Variants in PTPN2 observed in about 807,000 individuals in gnomAD.
PTPN2 encodes the protein protein tyrosine phosphatase non-receptor type 2.
In PTPN2, 19 loss-of-function variants were observed where a neutral mutation model predicts 57.3. The ratio of observed to expected loss-of-function variants is 0.33; its 90% CI spans 0.23 to 0.49. The LOEUF is 0.49. PTPN2 is among the 20% of genes least tolerant of loss of function. The pLI is 0.99. For synonymous variants in PTPN2, 153 were observed against 164.9 expected (o/e 0.93, Z 0.55); for missense variants, 358 against 501.1 (o/e 0.71, Z 2.73).
intron 3 of PTPN2, among the ~76,000 whole-genome samples, chr18:12,836,247 G>A (rs1020437939): frequency 6.6e-5 from 10 of 152,216 alleles, no homozygotes; most frequent in African/African-American, 2.2e-4. Context: ...TTGCACACAG[G>A]TGTGGCTGAT....
chr18:12,837,646 T>C (rs1032009300), intron 2 of PTPN2, among the ~76,000 whole-genome samples: 1 of 152,178 alleles, frequency 6.6e-6, no homozygotes, highest in African/African-American at 2.4e-5. Flanking sequence ...AACACACAAC[T>C]GCCGGATGCA....
chr18:12,880,290 A>G (rs1186309377), intron 1 of PTPN2, among the ~76,000 whole-genome samples: 3 of 152,220 alleles, frequency 2.0e-5, no homozygotes, highest in Non-Finnish European at 4.4e-5. Context: ...GGAAAGTGAT[A>G]GGGGAAATCA....
intron 8 of PTPN2, among the ~76,000 whole-genome samples, chr18:12,797,647 T>C (rs2041243244): frequency 6.6e-6 from 1 of 152,228 alleles, no homozygotes; most frequent in East Asian, 1.9e-4. Flanking sequence ...AAATCTTTTC[T>C]TCCTTAGTGG....
intron 4 of PTPN2, 151 bp from the exon 5 acceptor site, chr18:12,826,095 G>T: frequency 3.3e-6 from 2 of 612,694 alleles, no homozygotes; most frequent in Non-Finnish European, 5.4e-6. Flanking sequence ...TACGCTTAAT[G>T]TATTTTAGTA....
chr18:12,859,283 T>A (rs1481533912), intron 1 of PTPN2, 29 bp from the exon 2 acceptor site: 1 of 1,466,586 alleles, frequency 6.8e-7, no homozygotes, highest in South Asian at 1.2e-5. Context: ...TATTTTAATA[T>A]CCCTCTTAAA....
chr18:12,866,652 C>T (rs1354292999), intron 1 of PTPN2, among the ~76,000 whole-genome samples: 3 of 151,926 alleles, frequency 2.0e-5, no homozygotes, highest in African/African-American at 7.3e-5. Context: ...AGATTTAGTT[C>T]CACAGCTGTG....
Position 12,831,047 on chromosome 18 carries a change from A to AAGAGAGAGG in PTPN2, c.262-15_262-7dup. The AAGAGAGAGG allele has an allele frequency of 6.3e-7, 1 of 1,583,842 alleles. No homozygotes were observed. Among genetic ancestry groups the AAGAGAGAGG allele is most frequent in the Non-Finnish European group, 8.7e-7 (1 of 1,153,146 alleles). On this transcript the variant is annotated splice_polypyrimidine_tract_variant and splice_region_variant and intron_variant, in intron 3 of 8. Coordinates refer to ENST00000309660, the MANE Select transcript of PTPN2 (RefSeq NM_002828.4). ...CATGTGTTAGGAAGTGGACCCTGTGAAGAGAGAGGAGAGAGAGCAGATGAG... is the reference window on the plus strand; with the variant it reads ...CATGTGTTAGGAAGTGGACCCTGTGAAGAGAGAGGAGAGAGAGGAGAGAGAGCAGATGAG...
chr18:12,832,413 A>C (rs2042702738), intron 3 of PTPN2, among the ~76,000 whole-genome samples: 1 of 152,124 alleles, frequency 6.6e-6, no homozygotes, highest in Admixed American at 6.6e-5. Flanking sequence ...CATGGTGCCC[A>C]GCTGACTAAA....
chr18:12,795,033 AC>A (rs2041119545), intron 8 of PTPN2, among the ~76,000 whole-genome samples: 1 of 152,158 alleles, frequency 6.6e-6, no homozygotes, highest in Non-Finnish European at 1.5e-5. Context: ...TAAGCAAGGT[AC>A]TTTCTTGACA....
intron 7 of PTPN2, among the ~76,000 whole-genome samples, chr18:12,808,314 T>C (rs552181374): frequency 1.9e-4 from 26 of 136,028 alleles, no homozygotes; most frequent in Non-Finnish European, 3.5e-4. Context: ...TAATAATATA[T>C]AATTAAATAG....
downstream of PTPN2, among the ~76,000 whole-genome samples, chr18:12,791,935 T>C (rs112542032): frequency 2.1e-3 from 322 of 152,344 alleles, 1 homozygote; most frequent in African/African-American, 7.3e-3. Context: ...GGTCTACCTG[T>C]ATGTGACTTG....
intron 3 of PTPN2, among the ~76,000 whole-genome samples, chr18:12,835,752 G>A (rs532795845): frequency 4.9e-4 from 75 of 152,246 alleles, no homozygotes; most frequent in Non-Finnish European, 8.8e-4. Flanking sequence ...TGAACACTGA[G>A]TATTATACAC....
intron 5 of PTPN2, among the ~76,000 whole-genome samples, chr18:12,818,222 T>C (rs1386896353): frequency 1.3e-5 from 2 of 152,240 alleles, no homozygotes; most frequent in African/African-American, 4.8e-5. Flanking sequence ...AAAGTTTATT[T>C]TTTAAATATA....
chr18:12,796,143 T>C (rs1227914224), intron 8 of PTPN2, among the ~76,000 whole-genome samples: 2 of 152,052 alleles, frequency 1.3e-5, no homozygotes, highest in African/African-American at 4.8e-5. Flanking sequence ...AAAATACAAA[T>C]GTCAAGCAAG....
At position 12,823,395 on chromosome 18, in the gene PTPN2, C is replaced by T. The variant is rs1053747437; in HGVS notation, c.495+2415G>A. Among the ~76,000 whole-genome samples the T allele has an allele frequency of 5.9e-5, 9 of 152,114 alleles. 1 individual carries two copies. The highest frequency in any genetic ancestry group is 4.6e-4 in the Admixed American group (7 of 15,272). On this transcript the variant is annotated intron_variant, in intron 5 of 8. Coordinates refer to ENST00000309660, the MANE Select transcript of PTPN2 (RefSeq NM_002828.4). Reference sequence around the variant, plus strand: ...CCCATGTCAAAAGTTAGGAGATGGCCGGGCGTGTTGGCTCACACCTGTAAT... The same window carrying T: ...CCCATGTCAAAAGTTAGGAGATGGCTGGGCGTGTTGGCTCACACCTGTAAT...
intron 5 of PTPN2, among the ~76,000 whole-genome samples, chr18:12,824,143 T>C (rs1003486095): frequency 7.2e-5 from 11 of 152,214 alleles, no homozygotes; most frequent in African/African-American, 2.7e-4. Context: ...TATTGATGTA[T>C]CTCAATGCAG....
chr18:12,825,120 A>AAC, intron 5 of PTPN2, among the ~76,000 whole-genome samples: 1 of 148,406 alleles, frequency 6.7e-6, no homozygotes, highest in African/African-American at 2.6e-5. Flanking sequence ...AACCAACCAA[A>AAC]CAAACACCCA....
At chr18:12,880,224 TA>T (rs1422384928) in intron 1 of PTPN2, among the ~76,000 whole-genome samples, 1 of 152,026 alleles carries the variant, frequency 6.6e-6, no homozygotes, top group Non-Finnish European at 1.5e-5. Flanking sequence ...ACAAACGCCC[TA>T]AGGGGAGAAT....
chr18:12,797,090 T>G lies in PTPN2; in HGVS notation c.1041-2605A>C, dbSNP rs367610703. On this transcript the variant is annotated intron_variant, in intron 8 of 8. Coordinates refer to ENST00000309660, the MANE Select transcript of PTPN2 (RefSeq NM_002828.4). ...CTTACTCAGAATTCACTCTCTGAAT[T>G]GAAAATTCACTATCACAAATATGCA... Among the ~76,000 whole-genome samples the G allele has an allele frequency of 1.8e-4, 27 of 152,314 alleles. 1 individual carries two copies. The East Asian group carries it at 4.6e-3, about 26-fold the overall frequency.
Sources: allele counts gnomAD v4.1 joint callset (sites outside exome capture counted in the v4.1 genomes callset), GRCh38; gene constraint gnomAD v4.1.1; transcripts MANE v1.5; gene names NCBI Gene and HGNC (gene_info 2026-07-23, HGNC 2026-07-21).